Variants in P2RX4 observed in about 807,000 individuals in gnomAD.
P2RX4 encodes the protein purinergic receptor P2X 4.
A neutral mutation model predicts 48.0 loss-of-function variants in P2RX4; 37 were observed. That is an observed-to-expected ratio of 0.77 (90% confidence interval 0.59 to 1.01). The LOEUF is 1.01. Among genes scored for constraint, P2RX4 ranks in the 50% least tolerant of loss-of-function variants. The pLI is 0.00. For missense variants in P2RX4, 501 were observed against 521.4 expected (o/e 0.96, Z 0.38); for synonymous variants, 200 against 199.7 (o/e 1.00, Z -0.01).
At position 121,229,785 on chromosome 12, in the gene P2RX4, C is replaced by T. The variant is rs1051718884; in HGVS notation, c.884+686C>T. Among the ~76,000 whole-genome samples, 3 of 152,150 alleles carry T rather than the reference C, an allele frequency of 2.0e-5. No individual in the cohort carries two copies. The highest frequency in any genetic ancestry group is 7.2e-5 in the African/African-American group (3 of 41,416). ...TGGCTTCTGGTAGCCCACGGTGTTC[C>T]TTGGCTTGTGGATGCATCACTCCAG... On this transcript the variant is annotated intron_variant, in intron 8 of 11. Transcript: ENST00000337233. The surrounding 1 kb of genome is among the most constrained non-coding windows in gnomAD (Gnocchi z 4.6).
intron 1 of P2RX4, chr12:121,214,473 C>T (rs1886090535): frequency 6.6e-6 from 1 of 152,006 alleles, no homozygotes. Context: ...AGACCGAACA[C>T]GCAATTCTCA....
chr12:121,228,317 C>T (rs1209579123), intron 5 of P2RX4, among the ~76,000 whole-genome samples: 2 of 146,128 alleles, frequency 1.4e-5, no homozygotes, highest in South Asian at 2.2e-4. Context: ...GAGCTGAGAT[C>T]GCGCCATTGC....
intron 5 of P2RX4, among the ~76,000 whole-genome samples, chr12:121,227,359 G>A (rs1488971652): frequency 6.6e-6 from 1 of 152,236 alleles, no homozygotes; most frequent in Non-Finnish European, 1.5e-5. Context: ...TCCCCTTGGG[G>A]ACAGATTCAA....
chr12:121,220,579 T>A (rs1886532244), intron 2 of P2RX4, among the ~76,000 whole-genome samples: 1 of 152,080 alleles, frequency 6.6e-6, no homozygotes, highest in Non-Finnish European at 1.5e-5. Flanking sequence ...GAGATTGCAG[T>A]AAGCCAAGAT....
At chr12:121,233,477 A>G (rs1887503975) in intron 11 of P2RX4, 46 bp from the exon 12 acceptor site, 3 of 1,589,074 alleles carry the variant, frequency 1.9e-6, no homozygotes, top group Non-Finnish European at 2.6e-6. Flanking sequence ...CGCCTGCCAC[A>G]AGGGGTCCCA....
rs1022771810 is a variant in P2RX4, at chr12:121,223,114, C to T, written c.524+71C>T. ...TTTTAGACACAGTTTCACTCTGTATCCCAGGTTGGAGTGCAGTGGTGCGAT... is the reference window on the plus strand; with the variant it reads ...TTTTAGACACAGTTTCACTCTGTATTCCAGGTTGGAGTGCAGTGGTGCGAT... On this transcript the variant is annotated intron_variant, in intron 5 of 11. Transcript: ENST00000337233. 3.0e-6 allele frequency: 3 copies of T among 997,224 alleles called. No homozygotes were observed. The Admixed American group carries it at 5.9e-5, about 20-fold the overall frequency. 61.8% of individuals were successfully genotyped at this position (997,224 alleles called of 1,614,324 possible).
rs761067441 is a variant in P2RX4 at position 121,232,487 on chromosome 12, G to A, written c.958G>A (p.Asp320Asn). 1.9e-5 allele frequency: 31 copies of A among 1,614,062 alleles called. No individual in the cohort carries two copies. The highest frequency in any genetic ancestry group is 3.3e-4 in the Middle Eastern group (2 of 6,062). Residue 320 changes from aspartate (D) to asparagine (N), a missense_variant, in exon 9 of 12, where the codon GAC becomes AAC. Transcript: ENST00000337233. This position sits in a 1 kb window ranked among gnomAD's most constrained non-coding sequence, Gnocchi z 4.3. ...CATCAAGGCCTATGGCATCCGCTTC[G>A]ACATCATTGTGTTTGGGAAGGTAGC... ...TLIKAYGIRF[D>N]IIVFGKAGKF...
chr12:121,223,044 G>C lies in P2RX4; in HGVS notation c.524+1G>C. The C allele has an allele frequency of 6.3e-7, 1 of 1,590,116 alleles. No homozygotes were observed. The highest frequency in any genetic ancestry group is 1.7e-5 in the Admixed American group (1 of 59,944). On this transcript the variant is annotated splice_donor_variant, in intron 5 of 11. Transcript: ENST00000337233. LOFTEE classifies it high-confidence loss of function. The stretch of plus-strand genomic sequence containing the variant: ...TGGAGGATGACACACACGTGCCACA[G>C]TGAGTCCAGCCCTAGGGAAGGAAGT...
rs760876238 is a variant in P2RX4 at position 121,228,833 on chromosome 12, C to T, written c.714C>T (p.Asn238=). The T allele has an allele frequency of 1.1e-5, 17 of 1,614,016 alleles. No homozygotes were observed. The East Asian group carries it at 1.1e-4, about 11-fold the overall frequency. Residue 238 remains asparagine (N), a synonymous_variant, in exon 7 of 12, where the codon AAC becomes AAT. Transcript: ENST00000337233. ...TCCGTCTTGGCAAAATAGTGGAGAACGCAGGACACAGTTTCCAGGACATGG... is the reference window on the plus strand; with the variant it reads ...TCCGTCTTGGCAAAATAGTGGAGAATGCAGGACACAGTTTCCAGGACATGG... The part of the protein sequence containing the change: ...PIFRLGKIVE[N]AGHSFQDMAV...
intron 5 of P2RX4, among the ~76,000 whole-genome samples, chr12:121,223,767 T>G (rs1886802832): frequency 6.6e-6 from 1 of 152,048 alleles, no homozygotes. Context: ...GCCAGGAGAA[T>G]CTCGTGCCAG....
chr12:121,221,994 C>A lies in P2RX4; in HGVS notation c.354+10C>A. On this transcript the variant is annotated intron_variant, in intron 3 of 11. Coordinates refer to ENST00000337233, the MANE Select transcript of P2RX4 (RefSeq NM_002560.3). ...GGGCCTGTGCCCCGAGGTAGGAGGC[C>A]CCCGGGAAGAGCCCCAGGCCCCACA... 6.2e-7 allele frequency: 1 copy of A among 1,613,644 alleles called. No individual in the cohort carries two copies. Among genetic ancestry groups the A allele is most frequent in the East Asian group, 2.2e-5 (1 of 44,878 alleles).
intron 1 of P2RX4, among the ~76,000 whole-genome samples, chr12:121,211,013 T>C (rs574277232): frequency 6.6e-6 from 1 of 152,290 alleles, no homozygotes; most frequent in African/African-American, 2.4e-5. Flanking sequence ...TATGTGGTAG[T>C]AGCGAGGTCA....
In P2RX4 at chr12:121,217,168, A is replaced by G. The variant is rs775844307; in HGVS notation, c.169A>G (p.Thr57Ala). ...VFVWEKGYQE[T>A]DSVVSSVTTK... ...TGTGTGGGAAAAGGGCTACCAGGAAACTGACTCCGTGGTCAGCTCCGTTAC... is the reference window on the plus strand; with the variant it reads ...TGTGTGGGAAAAGGGCTACCAGGAAGCTGACTCCGTGGTCAGCTCCGTTAC... Residue 57 changes from threonine (T) to alanine (A), a missense_variant, in exon 2 of 12, where the codon ACT becomes GCT. Physicochemically the swap from Thr to Ala is moderately conservative, Grantham distance 58. Coordinates refer to ENST00000337233, the MANE Select transcript of P2RX4 (RefSeq NM_002560.3). 10 of 1,614,186 alleles carry G rather than the reference A, an allele frequency of 6.2e-6. No individual in the cohort carries two copies. Among genetic ancestry groups the G allele is most frequent in the Middle Eastern group, 1.6e-4 (1 of 6,062 alleles).
intron 5 of P2RX4, among the ~76,000 whole-genome samples, chr12:121,226,058 A>C (rs1886958752): frequency 6.6e-6 from 1 of 151,460 alleles, no homozygotes; most frequent in African/African-American, 2.4e-5. Context: ...TTTTTTGTAG[A>C]GACAGGGTCT....
chr12:121,225,782 T>A (rs908182977), intron 5 of P2RX4, among the ~76,000 whole-genome samples: 1 of 152,240 alleles, frequency 6.6e-6, no homozygotes, highest in Admixed American at 6.5e-5. Context: ...CATGTTGAAG[T>A]AATATTTTGG....
chr12:121,228,595 C>G lies in P2RX4; in HGVS notation c.587C>G (p.Pro196Arg), dbSNP rs1887143075. ...TLLVKNNIWY[P>R]KFNFSKRNIL... ...TTGGTTAAGAACAACATCTGGTATC[C>G]CAAATTTAATTTCAGCAAGTAAGTG... is the stretch of plus-strand genomic sequence containing the variant. The change falls in exon 6 of 12, where the codon CCC (proline) becomes CGC (arginine). Residue 196 changes from proline to arginine, a missense_variant. Physicochemically the swap from Pro to Arg is moderately radical, Grantham distance 103. This residue lies in a region of P2RX4 where 295 missense variants were observed against 275.3 expected (regional missense o/e 1.07). Transcript: ENST00000337233. 2 of 1,613,404 alleles carry G rather than the reference C, an allele frequency of 1.2e-6. No homozygotes were observed. Among genetic ancestry groups the G allele is most frequent in the African/African-American group, 1.3e-5 (1 of 74,852 alleles).
chr12:121,227,269 G>A (rs2136238915), intron 5 of P2RX4, among the ~76,000 whole-genome samples: 1 of 152,288 alleles, frequency 6.6e-6, no homozygotes, highest in East Asian at 1.9e-4. Context: ...GATCCCACCT[G>A]GATCAGGGGA....
intron 4 of P2RX4, 111 bp from the exon 5 acceptor site, chr12:121,222,836 A>G: frequency 6.9e-7 from 1 of 1,457,144 alleles, no homozygotes; most frequent in Middle Eastern, 1.7e-4. Context: ...TGCACAGCTC[A>G]AGACTGGCTG....
At chr12:121,226,557 G>A (rs958996222) in intron 5 of P2RX4, among the ~76,000 whole-genome samples, 6 of 151,992 alleles carry the variant, frequency 3.9e-5, no homozygotes, top group Non-Finnish European at 8.8e-5. Flanking sequence ...ACAGAACAAA[G>A]ACTAAAACGT....
Sources: allele counts gnomAD v4.1 joint callset (sites outside exome capture counted in the v4.1 genomes callset), GRCh38; gene constraint gnomAD v4.1.1; regional missense constraint gnomAD v4.1.1; non-coding constraint Gnocchi (gnomAD v3.1); transcripts MANE v1.5; gene names NCBI Gene and HGNC (gene_info 2026-07-23, HGNC 2026-07-21).